Variants in NRG3 observed in about 807,000 individuals in gnomAD.
NRG3 encodes the protein pro-neuregulin-3, membrane-bound isoform.
In NRG3, 31 loss-of-function variants were observed where a neutral mutation model predicts 66.9. The ratio of observed to expected loss-of-function variants is 0.46; its 90% CI spans 0.35 to 0.63. NRG3 has a LOEUF of 0.63. NRG3 is among the 20% of genes least tolerant of loss of function. The pLI is 0.00. For synonymous variants in NRG3, 393 were observed against 359.4 expected, an observed-to-expected ratio of 1.09 and a Z score of -1.06; for missense variants, 910 against 878.9, an observed-to-expected ratio of 1.04 and a Z score of -0.45.
chr10:82,527,140 G>A (rs1846781901), intron 2 of NRG3, among the ~76,000 whole-genome samples: 1 of 151,862 alleles, frequency 6.6e-6, no homozygotes, highest in African/African-American at 2.4e-5. Flanking sequence ...GCTACCAATA[G>A]GAGCATGGAT....
chr10:82,860,360 C>G (rs1201768971), intron 3 of NRG3, among the ~76,000 whole-genome samples: 2 of 152,120 alleles, frequency 1.3e-5, no homozygotes, highest in African/African-American at 4.8e-5. Context: ...TAAATAATTC[C>G]TCCCTGAAGA....
intron 1 of NRG3, among the ~76,000 whole-genome samples, chr10:81,904,124 C>G (rs1844362179): frequency 6.6e-6 from 1 of 151,976 alleles, no homozygotes; most frequent in Non-Finnish European, 1.5e-5. Context: ...ATTCTGCTGT[C>G]TCAGCCTCCC....
chr10:82,633,000 G>A (rs531730233), intron 2 of NRG3, among the ~76,000 whole-genome samples: 10 of 152,240 alleles, frequency 6.6e-5, no homozygotes, highest in Admixed American at 5.9e-4. Context: ...AAGTTCTCAG[G>A]CTTGTTTGAC....
chr10:82,336,660 T>C (rs2082405087), intron 1 of NRG3, among the ~76,000 whole-genome samples: 1 of 152,052 alleles, frequency 6.6e-6, no homozygotes, highest in African/African-American at 2.4e-5. Context: ...GTAGCTGGGA[T>C]TACAGGTGCC....
At chr10:81,979,580 G>A (rs368946326) in intron 1 of NRG3, among the ~76,000 whole-genome samples, 2 of 152,030 alleles carry the variant, frequency 1.3e-5, no homozygotes, top group Admixed American at 6.6e-5. Flanking sequence ...TTTATTTTCA[G>A]CAATGTCAAA....
intron 1 of NRG3, among the ~76,000 whole-genome samples, chr10:82,048,162 A>G (rs1238377424): frequency 1.3e-5 from 2 of 151,974 alleles, no homozygotes; most frequent in East Asian, 3.9e-4. Flanking sequence ...AGACTTTAAC[A>G]CCCCACTGTC....
chr10:82,735,464 T>C lies in NRG3; in HGVS notation c.954-3113T>C, dbSNP rs865841999. Among the ~76,000 whole-genome samples the C allele has an allele frequency of 2.7e-4, 41 of 152,338 alleles. No individual in the cohort carries two copies. The Middle Eastern group carries it at 0.02, about 76-fold the overall frequency. On this transcript the variant is annotated intron_variant, in intron 2 of 8. Coordinates refer to ENST00000372141, the MANE Select transcript of NRG3 (RefSeq NM_001010848.4). Reference sequence around the variant, plus strand: ...TATAATGACACATGCACAAGTGTTTTTATTGCAACACTATTTGCAATAGCA... The same window carrying C: ...TATAATGACACATGCACAAGTGTTTCTATTGCAACACTATTTGCAATAGCA...
At chr10:82,261,970 C>G (rs2078053903) in intron 1 of NRG3, among the ~76,000 whole-genome samples, 1 of 152,106 alleles carries the variant, frequency 6.6e-6, no homozygotes, top group African/African-American at 2.4e-5. Context: ...GAGACCTCCC[C>G]CTTCTTTCTC....
chr10:82,693,202 A>T (rs1177245291), intron 2 of NRG3, among the ~76,000 whole-genome samples: 1 of 152,172 alleles, frequency 6.6e-6, no homozygotes, highest in Non-Finnish European at 1.5e-5. Context: ...CATTTTTTTC[A>T]ATCTCCCTAA....
intron 1 of NRG3, among the ~76,000 whole-genome samples, chr10:82,172,366 A>G (rs940776876): frequency 1.3e-5 from 2 of 152,138 alleles, no homozygotes; most frequent in South Asian, 2.1e-4. Context: ...TTTAAAATTT[A>G]TACCCAAGAA....
intron 1 of NRG3, among the ~76,000 whole-genome samples, chr10:82,249,639 G>A (rs573688357): frequency 6.6e-6 from 1 of 152,168 alleles, no homozygotes; most frequent in Non-Finnish European, 1.5e-5. Flanking sequence ...TTGTAAATAA[G>A]CATTTTCTGG....
At chr10:82,767,138 T>C (rs1384151504) in intron 3 of NRG3, among the ~76,000 whole-genome samples, 3 of 151,758 alleles carry the variant, frequency 2.0e-5, no homozygotes, top group Non-Finnish European at 4.4e-5. Context: ...GCTTCTTGGA[T>C]TGTTGGTCCA....
At chr10:82,595,837 T>C (rs976574205) in intron 2 of NRG3, among the ~76,000 whole-genome samples, 2 of 152,136 alleles carry the variant, frequency 1.3e-5, no homozygotes, top group African/African-American at 4.8e-5. Context: ...GCTTGAATTC[T>C]AGTTCACTAG....
chr10:81,907,672 C>A lies in NRG3; in HGVS notation c.823+31509C>A, dbSNP rs1430711397. Among the ~76,000 whole-genome samples, 3 of 152,120 alleles carry A rather than the reference C, an allele frequency of 2.0e-5. No individual in the cohort carries two copies. The East Asian group carries it at 5.8e-4, about 29-fold the overall frequency. The stretch of plus-strand genomic sequence containing the variant: ...GAGAATATTTATATTAACTGGATAA[C>A]TGCGAAGATCACCTCCTTTTGACTA... On this transcript the variant is annotated intron_variant, in intron 1 of 8. Coordinates refer to ENST00000372141, the MANE Select transcript of NRG3 (RefSeq NM_001010848.4).
rs139466599 is a variant in NRG3, at chr10:82,691,754, C to T, written c.954-46823C>T. Among the ~76,000 whole-genome samples, 9 of 152,308 alleles carry T rather than the reference C, an allele frequency of 5.9e-5. No individual in the cohort carries two copies. The East Asian group carries it at 1.7e-3, about 29-fold the overall frequency. On this transcript the variant is annotated intron_variant, in intron 2 of 8. Transcript: ENST00000372141. ...TGCACTGTCTTGTTTAATTCTCACA[C>T]AAACCTACACAAGAACTGTTATGAT...
chr10:82,179,418 T>C (rs1389549361), intron 1 of NRG3, among the ~76,000 whole-genome samples: 6 of 152,048 alleles, frequency 3.9e-5, no homozygotes, highest in Non-Finnish European at 8.8e-5. Context: ...TTGAGTTGCT[T>C]TTTATATATG....
At chr10:82,701,469 A>C (rs2055875541) in intron 2 of NRG3, among the ~76,000 whole-genome samples, 1 of 152,134 alleles carries the variant, frequency 6.6e-6, no homozygotes, top group Admixed American at 6.6e-5. Flanking sequence ...GTAAGTCACA[A>C]GGAATTAAGA....
chr10:82,700,407 G>A (rs1434667593), intron 2 of NRG3, among the ~76,000 whole-genome samples: 1 of 152,146 alleles, frequency 6.6e-6, no homozygotes, highest in East Asian at 1.9e-4. Context: ...CTTTCCCCAT[G>A]GGAGGGATGT....
chr10:82,898,871 C>T (rs959313330), intron 4 of NRG3, among the ~76,000 whole-genome samples: 9 of 151,746 alleles, frequency 5.9e-5, no homozygotes, highest in Non-Finnish European at 1.2e-4. Flanking sequence ...GCAGGCACCC[C>T]GGCTAATTTT....
Sources: gnomAD v4.1 joint callset for allele counts (sites outside exome capture counted in the v4.1 genomes callset) on GRCh38, gnomAD v4.1.1 for gene constraint, MANE v1.5 for transcripts, NCBI Gene and HGNC (gene_info 2026-07-23, HGNC 2026-07-21) for gene names.